The following WDFY4 variants were observed in gnomAD, a reference collection of about 807,000 sequenced individuals.
The protein encoded by WDFY4 is WDFY family member 4, also known as WD repeat- and FYVE domain-containing protein 4.
A neutral mutation model predicts 351.9 loss-of-function variants in WDFY4; 169 were observed. The observed-to-expected ratio is 0.48, with a 90% CI of 0.42 to 0.55. The LOEUF (loss-of-function observed/expected upper bound fraction) is 0.55, where lower values mean the gene tolerates loss of function less well. WDFY4 is among the 20% of genes least tolerant of loss of function. The probability of loss-of-function intolerance (pLI) is 0.00; values close to 1 mark genes in which losing one functional copy is unlikely to be tolerated. For synonymous variants in WDFY4, 1,622 were observed against 1,574.6 expected (o/e 1.03, Z -0.71); for missense variants, 3,803 against 3,935.6 (o/e 0.97, Z 0.90).
At chr10:48,917,340 GA>G (rs748304808) in intron 47 of WDFY4, among the ~76,000 whole-genome samples, 8 of 152,138 alleles carry the variant, frequency 5.3e-5, no homozygotes, top group Non-Finnish European at 1.2e-4. Context: ...ACATTTGAAG[GA>G]AAAATGGCTG....
intron 12 of WDFY4, among the ~76,000 whole-genome samples, chr10:48,755,078 C>T (rs1455364343): frequency 6.6e-6 from 1 of 152,142 alleles, no homozygotes; most frequent in Non-Finnish European, 1.5e-5. Context: ...GATATTGCCC[C>T]ACATAGTAAA....
chr10:48,791,656 T>C (rs2066685288), intron 23 of WDFY4, among the ~76,000 whole-genome samples: 1 of 152,228 alleles, frequency 6.6e-6, no homozygotes, highest in Non-Finnish European at 1.5e-5. Context: ...GAGTAACTTC[T>C]CACATGTCTG....
At position 48,805,184 on chromosome 10, in the gene WDFY4, A is replaced by C. The variant is rs7085105; in HGVS notation, c.4485-76A>C. 8.5e-3 allele frequency: 12,631 copies of C among 1,483,358 alleles called. 995 individuals are homozygous for C. In the African/African-American group the frequency reaches 0.16, roughly 19 times the overall value. 91.9% of individuals were successfully genotyped at this position (1,483,358 alleles called of 1,614,324 possible). ...CCATGGAACAAGCCTGGCTTGAAAA[A>C]CCTTTTTAGCAGAAACACAGCAAAT... On this transcript the variant is annotated intron_variant, in intron 25 of 61. Transcript: ENST00000325239.
chr10:48,920,246 C>T (rs1054949276), intron 47 of WDFY4, among the ~76,000 whole-genome samples: 6 of 151,958 alleles, frequency 3.9e-5, no homozygotes, highest in African/African-American at 1.5e-4. Context: ...TAAAGGACGT[C>T]CACAAAAAAG....
intron 40 of WDFY4, among the ~76,000 whole-genome samples, chr10:48,869,777 G>C (rs1371288329): frequency 6.6e-6 from 1 of 152,136 alleles, no homozygotes; most frequent in African/African-American, 2.4e-5. Flanking sequence ...AGTTCTTTGT[G>C]AGATGCCTGA....
In WDFY4 at chr10:48,832,578, GAGA is replaced by G. The variant is rs2068227351; in HGVS notation, c.6538_6540del (p.Lys2180del). ...CTTTGCTTCCCTTCCCTCAGCATCT[GAGA>G]AGAAGTCACTGGCAAGTCGTTCAAA... On this transcript the variant is annotated inframe_deletion, in exon 39 of 62. Coordinates refer to ENST00000325239, the MANE Select transcript of WDFY4 (RefSeq NM_001394531.1). 3 of 1,545,594 alleles carry G rather than the reference GAGA, an allele frequency of 1.9e-6. No homozygotes were observed. The highest frequency in any genetic ancestry group is 1.2e-5 in the South Asian group (1 of 82,828).
intron 24 of WDFY4, among the ~76,000 whole-genome samples, chr10:48,797,259 AAG>A (rs1044347021): frequency 6.2e-4 from 95 of 152,304 alleles, no homozygotes; most frequent in African/African-American, 2.3e-3. Context: ...TGTTGGTTGC[AAG>A]AGCAGGAGAG....
chr10:48,934,497 C>G lies in WDFY4; in HGVS notation c.7587-7309C>G, dbSNP rs1247382094. Among the ~76,000 whole-genome samples the G allele has an allele frequency of 2.6e-5, 4 of 152,312 alleles. No homozygotes were observed. In the East Asian group the frequency reaches 5.8e-4, roughly 22 times the overall value. ...GAGGGCCTGCCTTTTCCCATTATAC[C>G]TGTCATAAAAGTTGGGTCTTGAGGA... On this transcript the variant is annotated intron_variant, in intron 47 of 61. Coordinates refer to ENST00000325239, the MANE Select transcript of WDFY4 (RefSeq NM_001394531.1).
At position 48,726,029 on chromosome 10, in the gene WDFY4, T is replaced by C. The variant is rs1372171878; in HGVS notation, c.740T>C (p.Ile247Thr). ...CCCACCTTCTGCGTGCTAAGGGCAA[T>C]CTCCAAGGCCCAGAACCTCAGCATC... ...KEPTFCVLRA[I>T]SKAQNLSIIQ... is the part of the protein sequence containing the mutation. Residue 247 changes from isoleucine to threonine, a missense_variant, in exon 6 of 62, where the codon ATC (isoleucine) becomes ACC (threonine). By Grantham distance (89) the Ile-to-Thr change is moderately conservative. Coordinates refer to ENST00000325239, the MANE Select transcript of WDFY4 (RefSeq NM_001394531.1). The C allele has an allele frequency of 1.3e-6, 2 of 1,551,326 alleles. No homozygotes were observed. Among genetic ancestry groups the C allele is most frequent in the Admixed American group, 2.0e-5 (1 of 50,976 alleles).
chr10:48,823,839 T>C, intron 35 of WDFY4: 1 of 987,786 alleles, frequency 1.0e-6, no homozygotes, highest in Non-Finnish European at 1.2e-6. Flanking sequence ...CTGCCCCTCT[T>C]AACCTCTGTT....
At chr10:48,868,605 G>A (rs544968485) in intron 40 of WDFY4, among the ~76,000 whole-genome samples, 1 of 152,300 alleles carries the variant, frequency 6.6e-6, no homozygotes, top group African/African-American at 2.4e-5. Context: ...CTCAGGGATA[G>A]CAATATGGCT....
chr10:48,933,232 G>C (rs1443688066), intron 47 of WDFY4, among the ~76,000 whole-genome samples: 1 of 150,652 alleles, frequency 6.6e-6, no homozygotes, highest in Non-Finnish European at 1.5e-5. Flanking sequence ...ACTGCTAGAG[G>C]GGCCTAGCAC....
intron 39 of WDFY4, among the ~76,000 whole-genome samples, chr10:48,853,701 A>T (rs1259668721): frequency 6.6e-6 from 1 of 152,232 alleles, no homozygotes; most frequent in Admixed American, 6.5e-5. Flanking sequence ...AGCTCTCATT[A>T]AAGATTCAGC....
chr10:48,721,391 T>C, intron 4 of WDFY4, 24 bp downstream of exon 4: 2 of 1,549,276 alleles, frequency 1.3e-6, no homozygotes, highest in Non-Finnish European at 1.7e-6. Context: ...CATCAGCCTC[T>C]GCCCTGGGCA....
At chr10:48,727,245 C>T (rs1360143436) in intron 6 of WDFY4, among the ~76,000 whole-genome samples, 1 of 152,244 alleles carries the variant, frequency 6.6e-6, no homozygotes, top group East Asian at 1.9e-4. Flanking sequence ...GGCTGAGGGG[C>T]TGCCTTCCTC....
At chr10:48,832,509 CT>C in intron 38 of WDFY4, 63 bp from the exon 39 acceptor site, 1 of 1,447,546 alleles carries the variant, frequency 6.9e-7, no homozygotes, top group South Asian at 1.5e-5. Flanking sequence ...GAAAGCCAAG[CT>C]AGCTATAAAA....
intron 15 of WDFY4, 148 bp from the exon 16 acceptor site, chr10:48,776,602 G>A: frequency 1.3e-6 from 1 of 765,940 alleles, no homozygotes; most frequent in Non-Finnish European, 2.0e-6. Context: ...GGGGGCCAGG[G>A]AGCCACCCTC....
chr10:48,726,056 T>C lies in WDFY4; in HGVS notation c.767T>C (p.Ile256Thr), dbSNP rs913734531. ...TCCAAGGCCCAGAACCTCAGCATCA[T>C]CCAGTACCTGCAGGGTATGGCCCGG... ...AISKAQNLSI[I>T]QYLQATDCVR... Residue 256 changes from isoleucine to threonine, a missense_variant, in exon 6 of 62, where the codon ATC becomes ACC. Ile to Thr is a moderately conservative substitution (Grantham distance 89). Transcript: ENST00000325239. The C allele has an allele frequency of 2.6e-6, 4 of 1,547,652 alleles. No individual in the cohort carries two copies. The highest frequency in any genetic ancestry group is 1.4e-5 in the African/African-American group (1 of 72,986).
chr10:48,764,615 A>G (rs943411189), intron 13 of WDFY4, among the ~76,000 whole-genome samples: 1 of 152,208 alleles, frequency 6.6e-6, no homozygotes, highest in East Asian at 1.9e-4. Context: ...GCTTCTAATC[A>G]GGTCTTAACT....
Sources: allele counts gnomAD v4.1 joint callset (sites outside exome capture counted in the v4.1 genomes callset), GRCh38; gene constraint gnomAD v4.1.1; transcripts MANE v1.5; gene names NCBI Gene and HGNC (gene_info 2026-07-23, HGNC 2026-07-21).